Variants in MAP4K3 observed in about 807,000 individuals in gnomAD.
MAP4K3 encodes MAPK/ERK kinase kinase kinase 3.
MAP4K3 carries 94 observed loss-of-function variants against 143.5 expected under a neutral mutation model. That is an observed-to-expected ratio of 0.65 (90% CI 0.55 to 0.78). The LOEUF (loss-of-function observed/expected upper bound fraction) is 0.78. Ranked by LOEUF, MAP4K3 falls within the 30% of genes least tolerant of loss-of-function variation. The pLI is 0.00. For synonymous variants in MAP4K3, 416 were observed against 347.2 expected (o/e 1.20, Z -2.20); for missense variants, 1,077 against 1,068.1 (o/e 1.01, Z -0.12).
At chr2:39,339,481 C>T (rs1469983075) in intron 4 of MAP4K3, among the ~76,000 whole-genome samples, 2 of 152,014 alleles carry the variant, frequency 1.3e-5, no homozygotes, top group African/African-American at 4.8e-5. Context: ...GAAGGTAAAA[C>T]TGTGAAAGAA....
At chr2:39,372,850 T>C (rs1272472379) in intron 2 of MAP4K3, among the ~76,000 whole-genome samples, 1 of 152,028 alleles carries the variant, frequency 6.6e-6, no homozygotes, top group African/African-American at 2.4e-5. Flanking sequence ...AAGAAAACAT[T>C]GGGGAAAATC....
chr2:39,268,166 G>C (rs1253789687), intron 26 of MAP4K3, among the ~76,000 whole-genome samples: 1 of 151,994 alleles, frequency 6.6e-6, no homozygotes, highest in Non-Finnish European at 1.5e-5. Context: ...GAATTTAATA[G>C]ATAAAAATCA....
At chr2:39,260,506 G>T in intron 29 of MAP4K3, 100 bp downstream of exon 29, 4 of 844,640 alleles carry the variant, frequency 4.7e-6, no homozygotes, top group Non-Finnish European at 7.5e-6. Context: ...TTGAAGACTG[G>T]CAGTATATGC....
chr2:39,262,448 G>A (rs919346240), intron 28 of MAP4K3, among the ~76,000 whole-genome samples: 1 of 152,022 alleles, frequency 6.6e-6, no homozygotes, highest in African/African-American at 2.4e-5. Context: ...ATAAGGTACA[G>A]CAACTTAAAT....
chr2:39,370,298 C>A (rs1666045593), intron 2 of MAP4K3, among the ~76,000 whole-genome samples: 1 of 152,146 alleles, frequency 6.6e-6, no homozygotes, highest in South Asian at 2.1e-4. Flanking sequence ...GAATAATTAT[C>A]ATGAATGATG....
intron 8 of MAP4K3, among the ~76,000 whole-genome samples, chr2:39,328,682 T>C (rs1683582646): frequency 1.3e-5 from 2 of 152,166 alleles, no homozygotes; most frequent in East Asian, 1.9e-4. Context: ...TACAACTGTA[T>C]GAATTTGCAC....
At chr2:39,327,303 T>C (rs948077115) in intron 8 of MAP4K3, among the ~76,000 whole-genome samples, 6 of 152,180 alleles carry the variant, frequency 3.9e-5, no homozygotes, top group Non-Finnish European at 8.8e-5. Context: ...AGTTCTATTA[T>C]AATAATGGAA....
intron 26 of MAP4K3, among the ~76,000 whole-genome samples, chr2:39,270,474 C>G (rs1354183515): frequency 6.6e-6 from 1 of 152,150 alleles, no homozygotes; most frequent in Non-Finnish European, 1.5e-5. Context: ...ATAATGATGA[C>G]AAAAGGTCTA....
At chr2:39,436,631 C>T (rs1049889400) in intron 1 of MAP4K3, 34 of 514,738 alleles carry the variant, frequency 6.6e-5, no homozygotes, top group Non-Finnish European at 1.2e-4. Flanking sequence ...TCTGCCCTTC[C>T]CTGGAAATGC....
At chr2:39,355,104 CCT>C (rs1213180116) in intron 3 of MAP4K3, among the ~76,000 whole-genome samples, 1 of 152,146 alleles carries the variant, frequency 6.6e-6, no homozygotes, top group Non-Finnish European at 1.5e-5. Context: ...GAGGCTCACG[CCT>C]GTAATCCCGG....
At chr2:39,260,011 C>G (rs1680502810) in intron 29 of MAP4K3, among the ~76,000 whole-genome samples, 1 of 152,016 alleles carries the variant, frequency 6.6e-6, no homozygotes, top group Admixed American at 6.6e-5. Context: ...ATATACATAC[C>G]AATAATATAC....
chr2:39,368,283 G>A (rs750138263), intron 2 of MAP4K3, among the ~76,000 whole-genome samples: 9 of 152,080 alleles, frequency 5.9e-5, no homozygotes, highest in South Asian at 4.2e-4. Context: ...AATAGAGCAC[G>A]GTGTAGATTT....
intron 16 of MAP4K3, among the ~76,000 whole-genome samples, chr2:39,298,162 C>T (rs1041649719): frequency 2.0e-5 from 3 of 151,944 alleles, no homozygotes; most frequent in African/African-American, 7.2e-5. Context: ...GAGAAAATAA[C>T]ATAAAAACAC....
Position 39,437,142 on chromosome 2 carries a change from C to T in MAP4K3, c.-155G>A. ...TGCGGCCGCCGCCGCCGCCGCCGCTCCCCTCACGCCGCTGCGGACGACGAC... is the reference window on the plus strand; with the variant it reads ...TGCGGCCGCCGCCGCCGCCGCCGCTTCCCTCACGCCGCTGCGGACGACGAC... On this transcript the variant is annotated 5_prime_UTR_variant, in exon 1 of 34. Coordinates refer to ENST00000263881, the MANE Select transcript of MAP4K3 (RefSeq NM_003618.4). 2 of 431,708 alleles carry T rather than the reference C, an allele frequency of 4.6e-6. No homozygotes were observed. Among genetic ancestry groups the T allele is most frequent in the Non-Finnish European group, 3.9e-6 (1 of 253,476 alleles). 26.7% of individuals were successfully genotyped at this position (431,708 alleles called of 1,614,324 possible).
At chr2:39,262,706 C>G (rs1297133134) in intron 28 of MAP4K3, among the ~76,000 whole-genome samples, 1 of 152,142 alleles carries the variant, frequency 6.6e-6, no homozygotes, top group Non-Finnish European at 1.5e-5. Flanking sequence ...GCAATTGTAT[C>G]TAATGTATTT....
chr2:39,302,004 CAG>C (rs1558633535), intron 15 of MAP4K3, among the ~76,000 whole-genome samples: 1 of 150,520 alleles, frequency 6.6e-6, no homozygotes, highest in African/African-American at 2.4e-5. Context: ...AGCTTGGCGA[CAG>C]AGAGAGACTC....
chr2:39,333,141 T>C (rs569946780), intron 7 of MAP4K3, among the ~76,000 whole-genome samples: 1 of 152,270 alleles, frequency 6.6e-6, no homozygotes, highest in Admixed American at 6.5e-5. Flanking sequence ...AGTAATGCTG[T>C]ATTTTATTTT....
chr2:39,425,698 T>C (rs554928005), intron 1 of MAP4K3, among the ~76,000 whole-genome samples: 8 of 47,594 alleles, frequency 1.7e-4, no homozygotes, highest in African/African-American at 2.3e-4. Flanking sequence ...ACCTGGTCTG[T>C]GGTATGTTGT....
intron 12 of MAP4K3, among the ~76,000 whole-genome samples, chr2:39,316,418 G>A: frequency 6.6e-6 from 1 of 152,058 alleles, no homozygotes; most frequent in East Asian, 1.9e-4. Flanking sequence ...GGCTATCCAG[G>A]TATACAGAGG....
Sources: allele counts gnomAD v4.1 joint callset (sites outside exome capture counted in the v4.1 genomes callset), GRCh38; gene constraint gnomAD v4.1.1; transcripts MANE v1.5; gene names NCBI Gene and HGNC (gene_info 2026-07-23, HGNC 2026-07-21).